AP2B1: variants seen among roughly 807,000 people sequenced by gnomAD.
The protein encoded by AP2B1 is adaptor related protein complex 2 subunit beta 1, also known as AP-2 complex subunit beta.
Under a neutral mutation model 102.0 loss-of-function variants are expected in AP2B1, and 23 were observed. The ratio of observed to expected loss-of-function variants is 0.23; its 90% CI spans 0.16 to 0.32. The LOEUF is 0.32. Ranked by LOEUF, AP2B1 falls within the 10% of genes least tolerant of loss-of-function variation. The pLI, the probability that AP2B1 is intolerant of heterozygous loss-of-function variation, is 1.00. For missense variants in AP2B1, 541 were observed against 1,157.4 expected, an observed-to-expected ratio of 0.47 and a Z score of 7.73; for synonymous variants, 381 against 421.2, an observed-to-expected ratio of 0.90 and a Z score of 1.17.
chr17:35,713,388 C>A (rs782489851), intron 20 of AP2B1, among the ~76,000 whole-genome samples: 3 of 152,210 alleles, frequency 2.0e-5, no homozygotes, highest in Non-Finnish European at 2.9e-5. Flanking sequence ...TGCAAGACCA[C>A]TTCCTGCAAC....
chr17:35,640,405 T>G (rs553023024), intron 11 of AP2B1, among the ~76,000 whole-genome samples: 1 of 150,558 alleles, frequency 6.6e-6, no homozygotes, highest in African/African-American at 2.5e-5. Context: ...CCCAACTAAT[T>G]TTTTGTATTT....
rs1210365742 is a variant in AP2B1, at chr17:35,681,280, G to GA, written c.2325-1406dup. On this transcript the variant is annotated intron_variant, in intron 17 of 21. Transcript: ENST00000610402. Reference sequence around the variant, plus strand: ...CCCAGTGATTGTGTCCTATGTAAGTGAAAAAAAAAGGAAAGTGAGAATTAC... The same window carrying GA: ...CCCAGTGATTGTGTCCTATGTAAGTGAAAAAAAAAAGGAAAGTGAGAATTAC... Among the ~76,000 whole-genome samples, 7 of 149,702 alleles carry GA rather than the reference G, an allele frequency of 4.7e-5. No homozygotes were observed. The East Asian group carries it at 9.7e-4, about 21-fold the overall frequency.
At chr17:35,658,630 G>A (rs1296726333) in intron 14 of AP2B1, among the ~76,000 whole-genome samples, 2 of 152,092 alleles carry the variant, frequency 1.3e-5, no homozygotes. Context: ...CTAGACCCTT[G>A]CAAAAGAGAT....
At chr17:35,719,902 G>T (rs1245147544) in intron 21 of AP2B1, among the ~76,000 whole-genome samples, 1 of 152,134 alleles carries the variant, frequency 6.6e-6, no homozygotes, top group Admixed American at 6.5e-5. Flanking sequence ...TCTCTGCTCA[G>T]TTGGCCTAGA....
intron 20 of AP2B1, among the ~76,000 whole-genome samples, chr17:35,714,262 A>C (rs1555588866): frequency 6.6e-6 from 1 of 152,192 alleles, no homozygotes; most frequent in Non-Finnish European, 1.5e-5. Flanking sequence ...ACACTCTTCC[A>C]GCTAGCACCT....
intron 18 of AP2B1, among the ~76,000 whole-genome samples, chr17:35,693,062 G>C (rs913424780): frequency 6.6e-6 from 1 of 152,160 alleles, no homozygotes; most frequent in Admixed American, 6.5e-5. Context: ...TTGTTGCCCA[G>C]GCTGGAGTAC....
At chr17:35,681,705 A>G (rs1481837017) in intron 17 of AP2B1, among the ~76,000 whole-genome samples, 1 of 152,096 alleles carries the variant, frequency 6.6e-6, no homozygotes, top group Non-Finnish European at 1.5e-5. Context: ...ACCTGGCCTC[A>G]GGGTGGAAAT....
At position 35,682,500 on chromosome 17, in the gene AP2B1, G is replaced by T. The variant is rs113469188; in HGVS notation, c.2325-195G>T. Among the ~76,000 whole-genome samples, 670 of 151,656 alleles carry T rather than the reference G, an allele frequency of 4.4e-3. 6 individuals carry two copies. Among genetic ancestry groups the T allele is most frequent in the African/African-American group, 0.015 (640 of 41,322 alleles). Reference sequence around the variant, plus strand: ...TGGGATTACAGGCACCCGCCACCACGCCCGGCTAATGTTTTGTATTTTTAG... The same window carrying T: ...TGGGATTACAGGCACCCGCCACCACTCCCGGCTAATGTTTTGTATTTTTAG... On this transcript the variant is annotated intron_variant, in intron 17 of 21. Coordinates refer to ENST00000610402, the MANE Select transcript of AP2B1 (RefSeq NM_001030006.2).
At chr17:35,661,440 C>T (rs1014578408) in intron 14 of AP2B1, among the ~76,000 whole-genome samples, 6 of 152,172 alleles carry the variant, frequency 3.9e-5, no homozygotes, top group Non-Finnish European at 5.9e-5. Context: ...AAGACAGTGA[C>T]CGCCACAGAA....
Position 35,626,660 on chromosome 17 carries a change from C to T in AP2B1, c.756C>T (p.Asn252=). The stretch of plus-strand genomic sequence containing the variant: ...TAACTCCCCGGCTATCCCATGCCAA[C>T]TCAGCAGTGGTGCTTTCAGCGGTAA... The part of the protein sequence containing the change: ...ERVTPRLSHA[N]SAVVLSAVKV... Residue 252 remains asparagine (N), a synonymous_variant, in exon 7 of 22, where the codon AAC becomes AAT. Transcript: ENST00000610402. 1 of 1,613,588 alleles carries T rather than the reference C, an allele frequency of 6.2e-7. No homozygotes were observed. The highest frequency in any genetic ancestry group is 1.3e-5 in the African/African-American group (1 of 74,922).
At chr17:35,609,549 G>T (rs991714390) in intron 5 of AP2B1, among the ~76,000 whole-genome samples, 1 of 152,048 alleles carries the variant, frequency 6.6e-6, no homozygotes, top group Non-Finnish European at 1.5e-5. Flanking sequence ...GGGCTTCACC[G>T]TGTTAGCCAG....
chr17:35,646,732 A>G lies in AP2B1; in HGVS notation c.1537-3798A>G, dbSNP rs140405358. 8.9e-3 allele frequency among the ~76,000 whole-genome samples: 1,355 copies of G among 151,740 alleles called. 15 individuals carry two copies. Among genetic ancestry groups the G allele is most frequent in the African/African-American group, 0.031 (1,270 of 41,396 alleles). Reference sequence around the variant, plus strand: ...GCCTCCCAAGTAGCTGGGATTACAGACATCTGCCACCATGCCTGGCTAATT... The same window carrying G: ...GCCTCCCAAGTAGCTGGGATTACAGGCATCTGCCACCATGCCTGGCTAATT... On this transcript the variant is annotated intron_variant, in intron 12 of 21. Transcript: ENST00000610402.
At chr17:35,625,744 A>G (rs2074297133) in intron 6 of AP2B1, among the ~76,000 whole-genome samples, 1 of 152,132 alleles carries the variant, frequency 6.6e-6, no homozygotes, top group Non-Finnish European at 1.5e-5. Context: ...GAAGAAATCT[A>G]AGAAATGCTG....
intron 5 of AP2B1, among the ~76,000 whole-genome samples, chr17:35,610,288 C>T (rs771795194): frequency 5.9e-5 from 9 of 151,972 alleles, no homozygotes; most frequent in Non-Finnish European, 1.5e-5. Flanking sequence ...ACTGGGATTA[C>T]AGGTGCCCAC....
intron 18 of AP2B1, among the ~76,000 whole-genome samples, chr17:35,701,178 C>CAT (rs1198445320): frequency 6.6e-6 from 1 of 151,784 alleles, no homozygotes; most frequent in Non-Finnish European, 1.5e-5. Context: ...TGTATACACA[C>CAT]ACAATATGTA....
At chr17:35,624,941 A>G (rs1247678453) in intron 6 of AP2B1, among the ~76,000 whole-genome samples, 2 of 152,106 alleles carry the variant, frequency 1.3e-5, no homozygotes, top group Non-Finnish European at 2.9e-5. Flanking sequence ...GTGGCTTCAT[A>G]TTAGTTATTG....
intron 21 of AP2B1, among the ~76,000 whole-genome samples, chr17:35,717,688 G>T (rs1303579984): frequency 1.3e-5 from 2 of 152,180 alleles, no homozygotes; most frequent in South Asian, 2.1e-4. Flanking sequence ...ATAAGCTGCC[G>T]AGAGGATTGT....
chr17:35,712,795 G>C (rs1418422280), intron 20 of AP2B1, among the ~76,000 whole-genome samples: 2 of 152,204 alleles, frequency 1.3e-5, no homozygotes, highest in Non-Finnish European at 2.9e-5. Flanking sequence ...TTAACTCAGT[G>C]TTAACTGAAC....
chr17:35,693,340 G>A (rs1413679218), intron 18 of AP2B1, among the ~76,000 whole-genome samples: 1 of 152,056 alleles, frequency 6.6e-6, no homozygotes, highest in African/African-American at 2.4e-5. Context: ...GAAATAAAAT[G>A]TCTTCCTTTA....
Sources: allele counts gnomAD v4.1 joint callset (sites outside exome capture counted in the v4.1 genomes callset), GRCh38; gene constraint gnomAD v4.1.1; transcripts MANE v1.5; gene names NCBI Gene and HGNC (gene_info 2026-07-23, HGNC 2026-07-21).